Variants in DAB1 observed in about 807,000 individuals in gnomAD.
DAB1 encodes the protein disabled homolog 1.
DAB1 carries 15 observed loss-of-function variants against 64.6 expected under a neutral mutation model. The ratio of observed to expected loss-of-function variants is 0.23; its 90% confidence interval spans 0.16 to 0.36. The LOEUF is 0.36. Among genes scored for constraint, DAB1 ranks in the 10% least tolerant of loss-of-function variants. The pLI, the probability that DAB1 is intolerant of heterozygous loss-of-function variation, is 1.00. For missense variants in DAB1, 596 were observed against 706.7 expected (o/e 0.84, Z 1.78); for synonymous variants, 235 against 251.9 (o/e 0.93, Z 0.64).
chr1:57,650,775 G>A (rs1646247183), intron 6 of DAB1, among the ~76,000 whole-genome samples: 1 of 152,074 alleles, frequency 6.6e-6, no homozygotes, highest in African/African-American at 2.4e-5. Context: ...CAATTAGTTG[G>A]GGACTCCCTA....
chr1:58,373,535 G>C lies in DAB1; in HGVS notation n.258-30132C>G, dbSNP rs1000077456. ...TCTTACGGCTGCATAGTATTCCATG[G>C]TGTATATGTGCCACATTTTCTTAAT... On this transcript the variant is annotated intron_variant and non_coding_transcript_variant, in intron 3 of 20. Transcript: ENST00000485760. Among the ~76,000 whole-genome samples the C allele has an allele frequency of 9.9e-5, 15 of 151,356 alleles. No homozygotes were observed. The East Asian group carries it at 2.3e-3, about 23-fold the overall frequency.
intron 6 of DAB1, among the ~76,000 whole-genome samples, chr1:57,663,922 T>C (rs961580069): frequency 6.6e-6 from 1 of 152,162 alleles, no homozygotes; most frequent in Non-Finnish European, 1.5e-5. Flanking sequence ...CGAAAGTTGA[T>C]AGAATAGCAT....
chr1:57,216,118 A>C (rs1248365019), intron 2 of DAB1, among the ~76,000 whole-genome samples: 7 of 151,762 alleles, frequency 4.6e-5, no homozygotes, highest in Admixed American at 3.3e-4. Flanking sequence ...GGACCACTTA[A>C]GTTGCTACTC....
upstream of DAB1, among the ~76,000 whole-genome samples, chr1:57,425,192 G>T (rs1276710323): frequency 6.6e-6 from 1 of 152,148 alleles, no homozygotes; most frequent in African/African-American, 2.4e-5. Flanking sequence ...GATTCGCACA[G>T]CACACAAACC....
chr1:57,032,340 T>C (rs1367968731), intron 9 of DAB1, among the ~76,000 whole-genome samples: 1 of 152,150 alleles, frequency 6.6e-6, no homozygotes, highest in Non-Finnish European at 1.5e-5. Context: ...CCTATTGTCA[T>C]AAGCTGGCTG....
intron 3 of DAB1, among the ~76,000 whole-genome samples, chr1:57,142,196 C>T (rs77334270): frequency 0.022 from 3,325 of 152,200 alleles, 142 homozygotes; most frequent in African/African-American, 0.077. Flanking sequence ...CAATCCCCTA[C>T]AATCCAAGAG....
chr1:58,089,345 T>C (rs12024804), intron 5 of DAB1, among the ~76,000 whole-genome samples: 1,674 of 152,378 alleles, frequency 0.011, 66 homozygotes, highest in South Asian at 0.1. Flanking sequence ...TAGAACTGTA[T>C]CTGCTATGCG....
At chr1:57,902,873 T>C (rs1355532706) in intron 5 of DAB1, among the ~76,000 whole-genome samples, 1 of 152,178 alleles carries the variant, frequency 6.6e-6, no homozygotes. Flanking sequence ...AGCATCCGTA[T>C]TAGTCCACTC....
chr1:58,409,989 T>C (rs1039485851), intron 3 of DAB1, among the ~76,000 whole-genome samples: 1 of 152,160 alleles, frequency 6.6e-6, no homozygotes, highest in Non-Finnish European at 1.5e-5. Context: ...GAACCTGTAC[T>C]TCCCCACACA....
intron 2 of DAB1, among the ~76,000 whole-genome samples, chr1:57,176,970 T>TAAAAA (rs146465598): frequency 3.3e-5 from 2 of 61,036 alleles, no homozygotes; most frequent in Non-Finnish European, 4.6e-5. Flanking sequence ...CAGCAGCAGA[T>TAAAAA]ATAAAAAAAA....
chr1:58,003,392 T>G (rs1376822016), intron 5 of DAB1, among the ~76,000 whole-genome samples: 1 of 152,184 alleles, frequency 6.6e-6, no homozygotes, highest in African/African-American at 2.4e-5. Flanking sequence ...CTACTTAAAA[T>G]TTGCATTGTA....
At chr1:57,503,036 C>G (rs1644307477) in intron 7 of DAB1, among the ~76,000 whole-genome samples, 1 of 152,110 alleles carries the variant, frequency 6.6e-6, no homozygotes, top group Admixed American at 6.6e-5. Context: ...ACTCAGAGAC[C>G]CAGGCCAGAT....
chr1:57,656,231 G>A (rs1173263519), intron 6 of DAB1, among the ~76,000 whole-genome samples: 1 of 152,206 alleles, frequency 6.6e-6, no homozygotes, highest in East Asian at 1.9e-4. Flanking sequence ...TGAGAGGTAA[G>A]TGCTGTTGTT....
chr1:58,269,264 G>C (rs1386662038), intron 4 of DAB1, among the ~76,000 whole-genome samples: 7 of 150,992 alleles, frequency 4.6e-5, no homozygotes, highest in Non-Finnish European at 8.8e-5. Flanking sequence ...AATATGCCCT[G>C]TTTGGTTTTT....
chr1:58,342,075 T>C (rs1238355470), intron 4 of DAB1, among the ~76,000 whole-genome samples: 1 of 152,210 alleles, frequency 6.6e-6, no homozygotes, highest in East Asian at 1.9e-4. Flanking sequence ...ATTAAAAAGC[T>C]GTGCATGATC....
chr1:58,249,724 G>C (rs922070249), intron 4 of DAB1, among the ~76,000 whole-genome samples: 1 of 152,050 alleles, frequency 6.6e-6, no homozygotes, highest in African/African-American at 2.4e-5. Flanking sequence ...GACAGGAAGG[G>C]TTAAATGGCT....
At chr1:58,437,169 G>T (rs891498201) in intron 3 of DAB1, among the ~76,000 whole-genome samples, 1 of 152,116 alleles carries the variant, frequency 6.6e-6, no homozygotes, top group South Asian at 2.1e-4. Context: ...CCTAAGAGCC[G>T]CCTGGAGAGC....
At chr1:57,124,526 T>C (rs1437250493) in intron 4 of DAB1, among the ~76,000 whole-genome samples, 1 of 152,210 alleles carries the variant, frequency 6.6e-6, no homozygotes, top group African/African-American at 2.4e-5. Flanking sequence ...ATTTTAAATA[T>C]ATAACTTTAA....
intron 7 of DAB1, among the ~76,000 whole-genome samples, chr1:57,522,938 T>C (rs1056907080): frequency 3.3e-5 from 5 of 152,176 alleles, no homozygotes; most frequent in African/African-American, 1.2e-4. Flanking sequence ...CGCTTGGACT[T>C]ACACCAGTGA....
Sources: gnomAD v4.1 joint callset for allele counts (sites outside exome capture counted in the v4.1 genomes callset) on GRCh38, gnomAD v4.1.1 for gene constraint, MANE v1.5 for transcripts, NCBI Gene and HGNC (gene_info 2026-07-23, HGNC 2026-07-21) for gene names.